The following ADD3 variants were observed in gnomAD, a reference collection of about 807,000 sequenced individuals.
The protein encoded by ADD3 is adducin 3.
ADD3 carries 25 observed loss-of-function variants against 80.2 expected under a neutral mutation model. The observed-to-expected ratio is 0.31, with a 90% confidence interval of 0.23 to 0.44. The LOEUF is 0.44. ADD3 is among the 20% of genes least tolerant of loss of function. ADD3 has a pLI of 1.00. For synonymous variants in ADD3, 284 were observed against 289.6 expected, an observed-to-expected ratio of 0.98 and a Z score of 0.20; for missense variants, 829 against 847.5, an observed-to-expected ratio of 0.98 and a Z score of 0.27.
intron 1 of ADD3, among the ~76,000 whole-genome samples, chr10:110,012,132 C>T: frequency 6.6e-6 from 1 of 152,110 alleles, no homozygotes; most frequent in Non-Finnish European, 1.5e-5. Flanking sequence ...GGATTCTCTT[C>T]CTTTTAGGTA....
At chr10:110,043,292 G>T (rs1259130104) in intron 1 of ADD3, among the ~76,000 whole-genome samples, 1 of 152,048 alleles carries the variant, frequency 6.6e-6, no homozygotes, top group Non-Finnish European at 1.5e-5. Flanking sequence ...CTTAAATAAA[G>T]AAATTGACCT....
chr10:110,117,703 T>A (rs1280476408), intron 5 of ADD3, among the ~76,000 whole-genome samples: 1 of 151,252 alleles, frequency 6.6e-6, no homozygotes, highest in Non-Finnish European at 1.5e-5. Flanking sequence ...CAGAAATTTG[T>A]GTAAAAAAAT....
chr10:110,019,202 T>A (rs960093614), intron 1 of ADD3, among the ~76,000 whole-genome samples: 1 of 152,186 alleles, frequency 6.6e-6, no homozygotes, highest in Non-Finnish European at 1.5e-5. Flanking sequence ...TCACTTAAAA[T>A]TTTTGTAAAA....
Position 110,133,830 on chromosome 10 carries a change from A to T in ADD3, c.*212A>T, listed in dbSNP as rs1853381153. The T allele has an allele frequency of 2.5e-6, 1 of 405,254 alleles. No homozygotes were observed. The highest frequency in any genetic ancestry group is 4.3e-6 in the Non-Finnish European group (1 of 230,522). The allele number at this position is 405,254 out of a possible 1,614,324, so 25.1% of individuals were successfully genotyped here. A position where few individuals can be genotyped will look rare whatever the true frequency, so the allele number is the denominator to read the frequency against. ...AAATGGCTTTGAATTTTAAGCAATT[A>T]CTAGTTTTAATTAGCTCTGCCCTCA... On this transcript the variant is annotated 3_prime_UTR_variant, in exon 15 of 15. Transcript: ENST00000356080.
At chr10:109,999,627 G>A (rs76036248) in intron 1 of ADD3, among the ~76,000 whole-genome samples, 1,537 of 152,316 alleles carry the variant, frequency 0.01, 28 homozygotes, top group African/African-American at 0.033. Flanking sequence ...TAGCAGGACT[G>A]ATATCATGAT....
intron 1 of ADD3, among the ~76,000 whole-genome samples, chr10:110,051,948 C>G (rs1226686889): frequency 6.6e-6 from 1 of 152,156 alleles, no homozygotes; most frequent in Non-Finnish European, 1.5e-5. Context: ...ACCACAGGCC[C>G]ACGCCATCAT....
chr10:110,013,874 A>G (rs1289205829), intron 1 of ADD3, among the ~76,000 whole-genome samples: 2 of 152,178 alleles, frequency 1.3e-5, no homozygotes, highest in Admixed American at 1.3e-4. Flanking sequence ...ATGTAAAAGC[A>G]ATCAGGTTGG....
In ADD3 at chr10:110,119,575, T is replaced by G; in HGVS notation, c.960+11T>G. ...GCCTGTGAGATTCAGGTAGGAAACA[T>G]TATTCCCCTTTTTTAATTGCTTTGT... is the stretch of plus-strand genomic sequence containing the variant. On this transcript the variant is annotated intron_variant, in intron 8 of 14. Transcript: ENST00000356080. 6.3e-7 allele frequency: 1 copy of G among 1,598,608 alleles called. No individual in the cohort carries two copies. Among genetic ancestry groups the G allele is most frequent in the Non-Finnish European group, 8.6e-7 (1 of 1,168,852 alleles).
chr10:110,125,925 G>A lies in ADD3; in HGVS notation c.1501G>A (p.Val501Ile), dbSNP rs1411143464. The change falls in exon 11 of 15, where the codon GTA becomes ATA. Residue 501 changes from valine (V) to isoleucine (I), a missense_variant. Coordinates refer to ENST00000356080, the MANE Select transcript of ADD3 (RefSeq NM_016824.5). ...FVPLNTNPNE[V>I]LEKRNKIREQ... ...TCCTTTAAACACAAACCCGAATGAGGTACTAGAAAAGAGAAATAAGGTAAG... is the reference window on the plus strand; with the variant it reads ...TCCTTTAAACACAAACCCGAATGAGATACTAGAAAAGAGAAATAAGGTAAG... 1 of 1,606,324 alleles carries A rather than the reference G, an allele frequency of 6.2e-7. No individual in the cohort carries two copies. Among genetic ancestry groups the A allele is most frequent in the Non-Finnish European group, 8.5e-7 (1 of 1,174,966 alleles).
chr10:110,068,288 T>TC (rs978754117), intron 1 of ADD3, among the ~76,000 whole-genome samples: 16 of 151,956 alleles, frequency 1.1e-4, no homozygotes, highest in South Asian at 4.2e-4. Flanking sequence ...CTTTTCCACC[T>TC]CCCCCCCTCC....
At chr10:110,114,868 A>G (rs1425543565) in intron 3 of ADD3, among the ~76,000 whole-genome samples, 1 of 152,100 alleles carries the variant, frequency 6.6e-6, no homozygotes, top group African/African-American at 2.4e-5. Flanking sequence ...ACTGGAGGCC[A>G]GGAGTTCAAG....
chr10:110,034,425 A>C (rs1855407745), intron 1 of ADD3, among the ~76,000 whole-genome samples: 1 of 151,634 alleles, frequency 6.6e-6, no homozygotes, highest in African/African-American at 2.4e-5. Flanking sequence ...TTCTTTAGCA[A>C]GTATTTTATA....
chr10:110,106,544 C>T (rs1590147751), intron 2 of ADD3, among the ~76,000 whole-genome samples: 2 of 152,168 alleles, frequency 1.3e-5, no homozygotes, highest in South Asian at 2.1e-4. Flanking sequence ...AATCTCACAT[C>T]TCTGAATATT....
intron 1 of ADD3, among the ~76,000 whole-genome samples, chr10:110,018,249 G>T (rs1049096542): frequency 5.3e-5 from 8 of 152,058 alleles, no homozygotes; most frequent in Admixed American, 2.6e-4. Context: ...GGAGTGGGCT[G>T]GGTGCAGTGG....
At chr10:110,045,318 C>G (rs187233971) in intron 1 of ADD3, among the ~76,000 whole-genome samples, 10 of 152,098 alleles carry the variant, frequency 6.6e-5, no homozygotes, top group South Asian at 2.1e-4. Flanking sequence ...TGTGCCACTG[C>G]ACTCCAGCCT....
rs950357456 is a variant in ADD3 at position 110,083,905 on chromosome 10, A to G, written c.-29-16720A>G. ...ACAGAACCTTTCCTAGACAATAGAG[A>G]TCAAAAGTAGACACAAAATATTTAC... On this transcript the variant is annotated intron_variant, in intron 1 of 14. Coordinates refer to ENST00000356080, the MANE Select transcript of ADD3 (RefSeq NM_016824.5). Among the ~76,000 whole-genome samples the G allele has an allele frequency of 5.9e-5, 9 of 152,202 alleles. No homozygotes were observed. The South Asian group carries it at 1.0e-3, about 18-fold the overall frequency.
chr10:110,127,527 G>T (rs552551609), intron 12 of ADD3, among the ~76,000 whole-genome samples: 1 of 152,352 alleles, frequency 6.6e-6, no homozygotes, highest in East Asian at 1.9e-4. Flanking sequence ...TGAGGCAGGA[G>T]AATCACTCGA....
intron 1 of ADD3, among the ~76,000 whole-genome samples, chr10:110,035,948 C>G (rs1022290872): frequency 6.6e-6 from 1 of 152,012 alleles, no homozygotes; most frequent in Admixed American, 6.6e-5. Flanking sequence ...GTCAGGAGTT[C>G]GAGACCAGCC....
At chr10:110,003,815 A>G (rs545615467), upstream of ADD3, among the ~76,000 whole-genome samples, 1 of 152,360 alleles carries the variant, frequency 6.6e-6, no homozygotes, top group South Asian at 2.1e-4. Context: ...AGCTCTACAG[A>G]AAAGAGATTG....
Sources: gnomAD v4.1 joint callset for allele counts (sites outside exome capture counted in the v4.1 genomes callset) on GRCh38, gnomAD v4.1.1 for gene constraint, MANE v1.5 for transcripts, NCBI Gene and HGNC (gene_info 2026-07-23, HGNC 2026-07-21) for gene names.